MAGI1: variants seen among roughly 807,000 people sequenced by gnomAD.
The protein encoded by MAGI1 is membrane-associated guanylate kinase, WW and PDZ domain-containing protein 1.
In MAGI1, 58 loss-of-function variants were observed where a neutral mutation model predicts 139.9. The ratio of observed to expected loss-of-function variants is 0.41; its 90% CI spans 0.34 to 0.52. The LOEUF (loss-of-function observed/expected upper bound fraction) is 0.52. MAGI1 is among the 20% of genes least tolerant of loss of function. The probability of loss-of-function intolerance (pLI) is 0.12; values close to 1 mark genes in which losing one functional copy is unlikely to be tolerated. For synonymous variants in MAGI1, 812 were observed against 737.9 expected (o/e 1.10, Z -1.63); for missense variants, 1,874 against 1,901.6 (o/e 0.99, Z 0.27).
At chr3:65,520,523 A>C (rs1436213572) in intron 2 of MAGI1, among the ~76,000 whole-genome samples, 1 of 152,204 alleles carries the variant, frequency 6.6e-6, no homozygotes, top group Non-Finnish European at 1.5e-5. Context: ...TGAGGTTACA[A>C]GGAGATAATG....
intron 12 of MAGI1, among the ~76,000 whole-genome samples, chr3:65,424,116 T>TGC (rs1946830542): frequency 6.6e-6 from 1 of 152,174 alleles, no homozygotes; most frequent in Non-Finnish European, 1.5e-5. Context: ...CATGTGTGTG[T>TGC]GCATGAATGT....
At chr3:65,962,011 T>C (rs1055033961) in intron 1 of MAGI1, among the ~76,000 whole-genome samples, 3 of 152,284 alleles carry the variant, frequency 2.0e-5, no homozygotes, top group Non-Finnish European at 2.9e-5. Flanking sequence ...TGACTGGGCA[T>C]AGTCTTCATG....
chr3:65,708,326 C>T (rs1345996275), intron 1 of MAGI1, among the ~76,000 whole-genome samples: 1 of 152,110 alleles, frequency 6.6e-6, no homozygotes, highest in African/African-American at 2.4e-5. Context: ...GATAAGTATC[C>T]TCTGTCCTCT....
chr3:65,449,668 C>G, intron 6 of MAGI1, among the ~76,000 whole-genome samples: 1 of 152,098 alleles, frequency 6.6e-6, no homozygotes, highest in South Asian at 2.1e-4. Flanking sequence ...CCCAGCCACT[C>G]GGGAGGCTGA....
At chr3:65,636,511 A>G (rs1441045319) in intron 1 of MAGI1, among the ~76,000 whole-genome samples, 16 of 152,214 alleles carry the variant, frequency 1.1e-4, no homozygotes, top group Non-Finnish European at 2.9e-5. Context: ...CCATATGCCA[A>G]TCTTGACAAT....
intron 1 of MAGI1, among the ~76,000 whole-genome samples, chr3:65,843,052 G>A (rs1343520450): frequency 6.6e-6 from 1 of 151,992 alleles, no homozygotes; most frequent in Non-Finnish European, 1.5e-5. Context: ...CCACCTCCTG[G>A]TATTCATAAC....
At chr3:65,738,349 A>T (rs1353104130) in intron 1 of MAGI1, among the ~76,000 whole-genome samples, 1 of 152,158 alleles carries the variant, frequency 6.6e-6, no homozygotes, top group Non-Finnish European at 1.5e-5. Context: ...TTTAAAAAAA[A>T]AATTTTTTTG....
chr3:65,610,598 A>G (rs1443338705), intron 2 of MAGI1, among the ~76,000 whole-genome samples: 2 of 151,626 alleles, frequency 1.3e-5, no homozygotes, highest in African/African-American at 2.4e-5. Flanking sequence ...AATAAGGAAT[A>G]TGTATCCCTC....
At chr3:65,536,938 T>C (rs1481042409) in intron 2 of MAGI1, among the ~76,000 whole-genome samples, 1 of 152,130 alleles carries the variant, frequency 6.6e-6, no homozygotes, top group African/African-American at 2.4e-5. Context: ...GCCATGCCCG[T>C]AGGTAGTTTA....
intron 1 of MAGI1, among the ~76,000 whole-genome samples, chr3:66,016,838 G>T (rs1012790801): frequency 6.6e-6 from 1 of 152,224 alleles, no homozygotes; most frequent in Admixed American, 6.5e-5. Flanking sequence ...ATTCTGACAC[G>T]CTGCAGCGTG....
chr3:65,968,654 T>C (rs2064875855), intron 1 of MAGI1, among the ~76,000 whole-genome samples: 1 of 151,828 alleles, frequency 6.6e-6, no homozygotes, highest in African/African-American at 2.4e-5. Context: ...GAAACAAGTA[T>C]ACTTGTATAC....
At chr3:65,738,980 A>G (rs1055156189) in intron 1 of MAGI1, among the ~76,000 whole-genome samples, 3 of 152,182 alleles carry the variant, frequency 2.0e-5, no homozygotes, top group Non-Finnish European at 4.4e-5. Flanking sequence ...TTACCACCTA[A>G]CAAGAGACTG....
intron 1 of MAGI1, among the ~76,000 whole-genome samples, chr3:65,839,826 G>C (rs190374688): frequency 2.0e-4 from 31 of 152,226 alleles, no homozygotes; most frequent in Non-Finnish European, 5.9e-5. Context: ...TGAACTGAGA[G>C]ACATTACTTG....
chr3:65,573,251 C>T (rs1321273470), intron 2 of MAGI1, among the ~76,000 whole-genome samples: 1 of 151,622 alleles, frequency 6.6e-6, no homozygotes, highest in Non-Finnish European at 1.5e-5. Flanking sequence ...ATCATTAGAA[C>T]AAAAAAATTG....
intron 1 of MAGI1, among the ~76,000 whole-genome samples, chr3:65,648,685 A>C (rs1021203721): frequency 2.6e-5 from 4 of 152,202 alleles, no homozygotes; most frequent in African/African-American, 9.6e-5. Context: ...AAATCCCATG[A>C]ATGTTTTTTG....
At chr3:66,004,217 A>C (rs994076948) in intron 1 of MAGI1, among the ~76,000 whole-genome samples, 5 of 152,148 alleles carry the variant, frequency 3.3e-5, no homozygotes, top group African/African-American at 1.2e-4. Context: ...CAACCCTTTC[A>C]TTATGCTCAC....
Position 65,355,472 on chromosome 3 carries a change from G to A in MAGI1, c.*906C>T, listed in dbSNP as rs542887398. 2 of 152,320 alleles carry A rather than the reference G, an allele frequency of 1.3e-5. No homozygotes were observed. The highest frequency in any genetic ancestry group is 6.5e-5 in the Admixed American group (1 of 15,288). The allele number at this position is 152,320 out of a possible 1,614,324, so 9.4% of individuals were successfully genotyped here. ...ATGCTTTCCAAATTGGGGATCTTAC[G>A]TCTTCCTCACACCAGGCACACTGTC... On this transcript the variant is annotated 3_prime_UTR_variant, in exon 23 of 23. Coordinates refer to ENST00000402939, the MANE Select transcript of MAGI1 (RefSeq NM_001033057.2).
intron 1 of MAGI1, among the ~76,000 whole-genome samples, chr3:65,748,463 A>T (rs2035876693): frequency 6.6e-6 from 1 of 152,192 alleles, no homozygotes; most frequent in East Asian, 1.9e-4. Flanking sequence ...TCTAAAACTG[A>T]GCAGGAACCC....
At chr3:65,357,545 A>T (rs1940302595) in intron 22 of MAGI1, among the ~76,000 whole-genome samples, 1 of 142,180 alleles carries the variant, frequency 7.0e-6, no homozygotes, top group Non-Finnish European at 1.5e-5. Context: ...CCAAGAAAAT[A>T]TTCTTTGCTT....
Sources: allele counts gnomAD v4.1 joint callset (sites outside exome capture counted in the v4.1 genomes callset), GRCh38; gene constraint gnomAD v4.1.1; transcripts MANE v1.5; gene names NCBI Gene and HGNC (gene_info 2026-07-23, HGNC 2026-07-21).